The following GPN1 variants were observed in gnomAD, a reference collection of about 807,000 sequenced individuals.
The protein encoded by GPN1 is ATP(GTP)-binding protein.
Under a neutral mutation model 55.9 loss-of-function variants are expected in GPN1, and 44 were observed. That is an observed-to-expected ratio of 0.79 (90% CI 0.62 to 1.01). The LOEUF (loss-of-function observed/expected upper bound fraction) is 1.01. Ranked by LOEUF, GPN1 falls within the 50% of genes least tolerant of loss-of-function variation. The probability of loss-of-function intolerance (pLI) is 0.00; values close to 1 mark genes in which losing one functional copy is unlikely to be tolerated. For synonymous variants in GPN1, 179 were observed against 162.5 expected, an observed-to-expected ratio of 1.10 and a Z score of -0.77; for missense variants, 466 against 462.8, an observed-to-expected ratio of 1.01 and a Z score of -0.06.
At chr2:27,645,950 G>A (rs565928728) in intron 12 of GPN1, among the ~76,000 whole-genome samples, 76 of 152,104 alleles carry the variant, frequency 5.0e-4, no homozygotes, top group African/African-American at 1.7e-3. Flanking sequence ...GGCTGGTCTC[G>A]AACTCCTGGG....
chr2:27,646,836 G>A (rs9677155), intron 12 of GPN1, among the ~76,000 whole-genome samples: 3,651 of 152,048 alleles, frequency 0.024, 152 homozygotes, highest in African/African-American at 0.084. Flanking sequence ...AGCTAGTAAC[G>A]GACTGGGTTT....
chr2:27,642,725 C>T (rs548751088), intron 12 of GPN1, among the ~76,000 whole-genome samples: 53 of 151,968 alleles, frequency 3.5e-4, no homozygotes, highest in African/African-American at 1.3e-3. Flanking sequence ...CCACCACACC[C>T]GGCTAATTTT....
intron 12 of GPN1, among the ~76,000 whole-genome samples, chr2:27,644,052 T>C (rs1674095723): frequency 6.6e-6 from 1 of 152,120 alleles, no homozygotes; most frequent in African/African-American, 2.4e-5. Context: ...TGGTCGTGCA[T>C]GTCTGTAATT....
intron 4 of GPN1, 134 bp from the exon 5 acceptor site, chr2:27,632,499 A>G (rs1199988432): frequency 1.1e-5 from 8 of 707,586 alleles, no homozygotes; most frequent in South Asian, 3.3e-5. Flanking sequence ...TGTTGTCCTA[A>G]GATTGCAAAT....
chr2:27,637,264 CTG>C (rs1349971312), intron 7 of GPN1, among the ~76,000 whole-genome samples: 2 of 152,080 alleles, frequency 1.3e-5, no homozygotes, highest in African/African-American at 4.8e-5. Context: ...GATATATTAA[CTG>C]TTCATTAAGT....
In GPN1 at chr2:27,640,032, C is replaced by A; in HGVS notation, c.718-11C>A. 6.3e-7 allele frequency: 1 copy of A among 1,580,078 alleles called. No individual in the cohort carries two copies. Among genetic ancestry groups the A allele is most frequent in the Non-Finnish European group, 8.7e-7 (1 of 1,149,796 alleles). On this transcript the variant is annotated splice_polypyrimidine_tract_variant and intron_variant, in intron 9 of 13. Transcript: ENST00000610189. The stretch of plus-strand genomic sequence containing the variant: ...GGTTTCTTTAGTGGCATTTATGATG[C>A]TTTTTGGCAGGTGGTGGGTGTCTCT...
Position 27,631,896 on chromosome 2 carries a change from A to T in GPN1, c.308A>T (p.Asp103Val). The T allele has an allele frequency of 1.9e-6, 3 of 1,549,972 alleles. No individual in the cohort carries two copies. The highest frequency in any genetic ancestry group is 2.7e-6 in the Non-Finnish European group (3 of 1,121,452). ...TSLNLFATRF[D>V]QVMKFIEKAQ... ...CTCAATCTCTTTGCTACCAGATTTG[A>T]TCAGGTATATCTGTCTTTAGTATAT... Residue 103 changes from aspartate to valine, a missense_variant, in exon 4 of 14, where the codon GAT (aspartate) becomes GTT (valine). Transcript: ENST00000610189.
In GPN1 at chr2:27,642,497, C is replaced by A; in HGVS notation, c.909C>A (p.Ala303=). 1.2e-6 allele frequency: 2 copies of A among 1,611,508 alleles called. No homozygotes were observed. Among genetic ancestry groups the A allele is most frequent in the African/African-American group, 1.3e-5 (1 of 74,944 alleles). Residue 303 remains alanine (A), a synonymous_variant, in exon 12 of 14, where the codon GCC becomes GCA. Coordinates refer to ENST00000610189, the MANE Select transcript of GPN1 (RefSeq NM_007266.4). Reference sequence around the variant, plus strand: ...TTCGAAAAGATATGGGTTCTGTAGCCTTGGATGCAGGGACTGCCAAAGGTA... The same window carrying A: ...TTCGAAAAGATATGGGTTCTGTAGCATTGGATGCAGGGACTGCCAAAGGTA... ...ERLRKDMGSV[A]LDAGTAKDSL...
Position 27,650,462 on chromosome 2 carries a change from C to A in GPN1, c.*262C>A. On this transcript the variant is annotated 3_prime_UTR_variant, in exon 14 of 14. Coordinates refer to ENST00000610189, the MANE Select transcript of GPN1 (RefSeq NM_007266.4). ...AAGGATATACTGAGCTGATACTCTTCCAAGCCTACAACTTCAAGTTTTATC... is the reference window on the plus strand; with the variant it reads ...AAGGATATACTGAGCTGATACTCTTACAAGCCTACAACTTCAAGTTTTATC... 4.6e-6 allele frequency: 1 copy of A among 215,114 alleles called. No homozygotes were observed. Among genetic ancestry groups the A allele is most frequent in the Non-Finnish European group, 9.3e-6 (1 of 107,538 alleles). The allele number at this position is 215,114 out of a possible 1,614,324, so 13.3% of individuals were successfully genotyped here.
intron 1 of GPN1, 83 bp downstream of exon 1, chr2:27,629,252 G>GTCTTCA: frequency 6.5e-7 from 1 of 1,527,922 alleles, no homozygotes; most frequent in Non-Finnish European, 9.0e-7. Context: ...AGGGAGGGAA[G>GTCTTCA]AGGATTTGGA....
intron 12 of GPN1, among the ~76,000 whole-genome samples, chr2:27,645,029 G>A (rs1572963129): frequency 6.6e-6 from 1 of 151,816 alleles, no homozygotes; most frequent in Admixed American, 6.6e-5. Context: ...GTGCAGTGGC[G>A]CAATCATAGC....
In GPN1 at chr2:27,647,829, A is replaced by G; in HGVS notation, c.932-7A>G. On this transcript the variant is annotated splice_region_variant and splice_polypyrimidine_tract_variant and intron_variant, in intron 12 of 13. Transcript: ENST00000610189. ...AGGCATATCACTGATAGGTGTTTTC[A>G]CTGTAGACAGCTTATCTCCTGTGCT... is the stretch of plus-strand genomic sequence containing the variant. 1 of 1,572,232 alleles carries G rather than the reference A, an allele frequency of 6.4e-7. No individual in the cohort carries two copies. The highest frequency in any genetic ancestry group is 8.8e-7 in the Non-Finnish European group (1 of 1,141,938).
At chr2:27,639,426 A>G (rs766819028) in intron 9 of GPN1, among the ~76,000 whole-genome samples, 10 of 152,194 alleles carry the variant, frequency 6.6e-5, no homozygotes, top group Non-Finnish European at 1.2e-4. Flanking sequence ...TGCCCAAGGA[A>G]AGACATAGAC....
chr2:27,628,441 T>C (rs1459658379), upstream of GPN1: 1 of 1,551,572 alleles, frequency 6.4e-7, no homozygotes, highest in East Asian at 2.4e-5. Flanking sequence ...ACTGTGTAGT[T>C]CACTGAGGGT....
intron 1 of GPN1, 23 bp downstream of exon 1, chr2:27,629,192 A>G: frequency 6.2e-7 from 1 of 1,609,468 alleles, no homozygotes; most frequent in African/African-American, 1.3e-5. Context: ...GCATGGGTGT[A>G]GTAGGGGAGC....
chr2:27,646,110 C>T (rs965816589), intron 12 of GPN1, among the ~76,000 whole-genome samples: 2 of 151,572 alleles, frequency 1.3e-5, no homozygotes, highest in South Asian at 2.1e-4. Flanking sequence ...GGCGCGATCT[C>T]GGCTCACTGC....
chr2:27,648,094 T>A (rs1572966254), intron 13 of GPN1, 151 bp downstream of exon 13: 4 of 618,678 alleles, frequency 6.5e-6, no homozygotes, highest in Non-Finnish European at 1.2e-5. Flanking sequence ...AGAGTTCCTG[T>A]CCTGCCTACT....
At chr2:27,630,386 GTTTTTTTTT>G (rs202052577) in intron 2 of GPN1, among the ~76,000 whole-genome samples, 10 of 82,508 alleles carry the variant, frequency 1.2e-4, no homozygotes, top group African/African-American at 4.8e-4. Context: ...AACAGCTTAG[GTTTTTTTTT>G]TTTTTTTTTT....
chr2:27,631,144 T>G, intron 3 of GPN1, 78 bp downstream of exon 3: 1 of 781,388 alleles, frequency 1.3e-6, no homozygotes, highest in South Asian at 1.4e-5. Context: ...AAAGAGTGTT[T>G]TTGCCTTTTC....
Sources: allele counts gnomAD v4.1 joint callset (sites outside exome capture counted in the v4.1 genomes callset), GRCh38; gene constraint gnomAD v4.1.1; transcripts MANE v1.5; gene names NCBI Gene and HGNC (gene_info 2026-07-23, HGNC 2026-07-21).